The following MTUS2 variants were observed in gnomAD, a reference collection of about 807,000 sequenced individuals.
The protein encoded by MTUS2 is microtubule-associated tumor suppressor candidate 2.
In MTUS2, 40 loss-of-function variants were observed where a neutral mutation model predicts 114.1. The ratio of observed to expected loss-of-function variants is 0.35; its 90% CI spans 0.27 to 0.46. MTUS2 has a LOEUF of 0.46. Ranked by LOEUF, MTUS2 falls within the 20% of genes least tolerant of loss-of-function variation. MTUS2 has a pLI of 1.00. For missense variants in MTUS2, 1,679 were observed against 1,705.4 expected (o/e 0.98, Z 0.27); for synonymous variants, 688 against 672.0 (o/e 1.02, Z -0.37).
intron 2 of MTUS2, among the ~76,000 whole-genome samples, chr13:28,943,798 G>A (rs1242873328): frequency 2.0e-5 from 3 of 152,148 alleles, no homozygotes; most frequent in African/African-American, 7.2e-5. Flanking sequence ...GTGGCTGGAA[G>A]GCACAGTGGG....
At chr13:29,305,725 C>G (rs1899419446) in intron 6 of MTUS2, among the ~76,000 whole-genome samples, 1 of 152,160 alleles carries the variant, frequency 6.6e-6, no homozygotes, top group African/African-American at 2.4e-5. Context: ...AGAACTGATA[C>G]CATTGCTACT....
At chr13:28,824,918 A>C (rs1029372791) in intron 1 of MTUS2, among the ~76,000 whole-genome samples, 3 of 152,192 alleles carry the variant, frequency 2.0e-5, no homozygotes, top group Non-Finnish European at 4.4e-5. Context: ...TATTTCAAGT[A>C]GTGTGGTCAG....
chr13:29,124,236 A>G (rs1182096030), intron 5 of MTUS2, among the ~76,000 whole-genome samples: 2 of 152,190 alleles, frequency 1.3e-5, no homozygotes, highest in Non-Finnish European at 2.9e-5. Context: ...TTTCCATTAC[A>G]GGTCATAGAT....
intron 4 of MTUS2, among the ~76,000 whole-genome samples, chr13:29,055,993 C>T (rs1295977573): frequency 6.6e-6 from 1 of 151,820 alleles, no homozygotes; most frequent in Non-Finnish European, 1.5e-5. Context: ...CAAATATTTT[C>T]TCTTATTTGG....
chr13:29,239,227 T>C (rs118134186), intron 5 of MTUS2, among the ~76,000 whole-genome samples: 1,913 of 152,308 alleles, frequency 0.013, 26 homozygotes, highest in Non-Finnish European at 0.022. Flanking sequence ...AGTAAATGTA[T>C]ACAATTTTTG....
chr13:29,338,536 G>A (rs1314393464), intron 7 of MTUS2, among the ~76,000 whole-genome samples: 2 of 152,132 alleles, frequency 1.3e-5, no homozygotes, highest in Admixed American at 1.3e-4. Context: ...GTTGCAGTGA[G>A]CTGAGATAAT....
At chr13:29,095,992 T>C (rs914851546) in intron 4 of MTUS2, among the ~76,000 whole-genome samples, 4 of 152,304 alleles carry the variant, frequency 2.6e-5, no homozygotes, top group Admixed American at 6.5e-5. Context: ...CCTGCTTTTT[T>C]CTAGTATCTG....
At chr13:28,861,835 G>A (rs1877006354) in intron 2 of MTUS2, among the ~76,000 whole-genome samples, 1 of 152,126 alleles carries the variant, frequency 6.6e-6, no homozygotes, top group African/African-American at 2.4e-5. Flanking sequence ...CCTGTGGAGT[G>A]TTTGAGTGGG....
intron 5 of MTUS2, among the ~76,000 whole-genome samples, chr13:29,118,931 C>T (rs902848969): frequency 6.6e-6 from 1 of 152,094 alleles, no homozygotes; most frequent in Non-Finnish European, 1.5e-5. Context: ...CCTGTGACTC[C>T]AGAGCTGAAG....
chr13:29,103,660 A>C (rs1890524335), intron 5 of MTUS2, among the ~76,000 whole-genome samples: 1 of 152,162 alleles, frequency 6.6e-6, no homozygotes, highest in African/African-American at 2.4e-5. Flanking sequence ...AACACCACAA[A>C]CGTGAGTAAT....
chr13:29,120,608 G>T (rs976015577), intron 5 of MTUS2, among the ~76,000 whole-genome samples: 3 of 151,996 alleles, frequency 2.0e-5, no homozygotes, highest in South Asian at 4.1e-4. Flanking sequence ...GAAATATATC[G>T]CCACTTAAAA....
intron 2 of MTUS2, among the ~76,000 whole-genome samples, chr13:28,994,125 A>C (rs554730241): frequency 0.017 from 2,623 of 151,924 alleles, 73 homozygotes; most frequent in African/African-American, 0.059. Flanking sequence ...TTGTTCAATT[A>C]CCACCTATGA....
chr13:28,943,171 A>G (rs759961200), intron 2 of MTUS2, among the ~76,000 whole-genome samples: 11 of 152,204 alleles, frequency 7.2e-5, no homozygotes, highest in Non-Finnish European at 1.3e-4. Context: ...AAGCTAAGGA[A>G]TGTAATAGTG....
At chr13:29,262,145 T>C (rs1897496491) in intron 5 of MTUS2, among the ~76,000 whole-genome samples, 1 of 152,250 alleles carries the variant, frequency 6.6e-6, no homozygotes, top group Admixed American at 6.5e-5. Flanking sequence ...TTCTATAACT[T>C]TGAGAGAGTC....
At chr13:29,303,779 T>C (rs1899312538) in intron 6 of MTUS2, among the ~76,000 whole-genome samples, 1 of 152,014 alleles carries the variant, frequency 6.6e-6, no homozygotes, top group Non-Finnish European at 1.5e-5. Flanking sequence ...ATTCAGGAAA[T>C]GCAGAGAATC....
intron 4 of MTUS2, among the ~76,000 whole-genome samples, chr13:29,056,097 A>G (rs1015999895): frequency 9.2e-5 from 14 of 151,894 alleles, no homozygotes; most frequent in African/African-American, 3.1e-4. Flanking sequence ...TTTTGTTGCA[A>G]TTGCTTTTGG....
intron 5 of MTUS2, among the ~76,000 whole-genome samples, chr13:29,221,195 G>C (rs1448599946): frequency 6.6e-6 from 1 of 152,174 alleles, no homozygotes; most frequent in Non-Finnish European, 1.5e-5. Flanking sequence ...CCCTCAAAAC[G>C]TGTTCTGAGT....
intron 7 of MTUS2, among the ~76,000 whole-genome samples, chr13:29,343,846 T>TTG (rs1329465578): frequency 1.3e-5 from 2 of 152,166 alleles, no homozygotes; most frequent in African/African-American, 4.8e-5. Flanking sequence ...TTTTAATAAG[T>TTG]TGTATCACTG....
At chr13:29,080,725 C>T (rs4262810) in intron 4 of MTUS2, among the ~76,000 whole-genome samples, 1 of 151,850 alleles carries the variant, frequency 6.6e-6, no homozygotes, top group Non-Finnish European at 1.5e-5. Flanking sequence ...ATCTCTCTCT[C>T]TCTCTTTTTC....
Sources: gnomAD v4.1 joint callset for allele counts (sites outside exome capture counted in the v4.1 genomes callset) on GRCh38, gnomAD v4.1.1 for gene constraint, MANE v1.5 for transcripts, NCBI Gene and HGNC (gene_info 2026-07-23, HGNC 2026-07-21) for gene names.